Variants in PRKCG observed in about 807,000 individuals in gnomAD.
The protein encoded by PRKCG is protein kinase C gamma, also known as protein kinase C gamma type.
Under a neutral mutation model 82.0 loss-of-function variants are expected in PRKCG, and 28 were observed. That is an observed-to-expected ratio of 0.34 (90% CI 0.25 to 0.47). The LOEUF is 0.47. Among genes scored for constraint, PRKCG ranks in the 20% least tolerant of loss-of-function variants. PRKCG has a pLI of 1.00. For synonymous variants in PRKCG, 383 were observed against 376.6 expected, an observed-to-expected ratio of 1.02 and a Z score of -0.20; for missense variants, 640 against 952.7, an observed-to-expected ratio of 0.67 and a Z score of 4.32.
At position 53,894,103 on chromosome 19, in the gene PRKCG, A is replaced by T. The variant is rs556261478; in HGVS notation, c.939+712A>T. ...TTTTTTGAGACGGAGTCTCGCTGTGACGCCCAGGCTGGAGTGCAGTGGTGC... is the reference window on the plus strand; with the variant it reads ...TTTTTTGAGACGGAGTCTCGCTGTGTCGCCCAGGCTGGAGTGCAGTGGTGC... On this transcript the variant is annotated intron_variant, in intron 9 of 17. Transcript: ENST00000263431. Among the ~76,000 whole-genome samples, 1,053 of 122,620 alleles carry T rather than the reference A, an allele frequency of 8.6e-3. 7 individuals carry two copies. The highest frequency in any genetic ancestry group is 0.015 in the Admixed American group (179 of 12,040). 80.4% of individuals were successfully genotyped at this position (122,620 alleles called of 152,430 possible). A position where few individuals can be genotyped will look rare whatever the true frequency, so the allele number is the denominator to read the frequency against.
At chr19:53,906,177 C>T in intron 16 of PRKCG, 140 bp from the exon 17 acceptor site, 6 of 1,068,222 alleles carry the variant, frequency 5.6e-6, no homozygotes, top group Non-Finnish European at 8.2e-6. Context: ...CCTGTTTCCC[C>T]TGGCTGTTCT....
Position 53,897,986 on chromosome 19 carries a change from C to T in PRKCG, c.967C>T (p.Pro323Ser). 3 of 1,614,174 alleles carry T rather than the reference C, an allele frequency of 1.9e-6. No individual in the cohort carries two copies. The highest frequency in any genetic ancestry group is 2.5e-6 in the Non-Finnish European group (3 of 1,180,024). ...ERVRMGPSSS[P>S]IPSPSPSPTD... ...GGTGCGGATGGGCCCCTCTTCCTCT[C>T]CCATCCCCTCCCCTTCCCCTAGTCC... Residue 323 changes from proline to serine, a missense_variant, in exon 10 of 18, where the codon CCC becomes TCC. Pro to Ser is a moderately conservative substitution (Grantham distance 74). Around this residue, in one of 7 missense-constraint regions of PRKCG, gnomAD observed 261 missense variants for 312.1 expected, o/e 0.84. Coordinates refer to ENST00000263431, the MANE Select transcript of PRKCG (RefSeq NM_002739.5).
intron 16 of PRKCG, 23 bp downstream of exon 16, chr19:53,904,765 C>G: frequency 1.4e-5 from 22 of 1,580,758 alleles, no homozygotes; most frequent in Non-Finnish European, 1.9e-5. Context: ...TGACTCCCAG[C>G]TTCTCCAGGC....
At chr19:53,902,465 C>T (rs748639699) in intron 14 of PRKCG, among the ~76,000 whole-genome samples, 10 of 152,030 alleles carry the variant, frequency 6.6e-5, no homozygotes, top group Non-Finnish European at 1.3e-4. Context: ...ATTCCTGACT[C>T]TGACACAAAT....
In PRKCG at chr19:53,891,754, C is replaced by T. The variant is rs777151978; in HGVS notation, c.610C>T (p.Pro204Ser). ...TGTGAAACTGAAGCTCATCCCAGAC[C>T]CTCGGAACCTGACGAAACAGAAGAC... ...PYVKLKLIPD[P>S]RNLTKQKTRT... The change falls in exon 6 of 18, where the codon CCT becomes TCT. Residue 204 changes from proline to serine, a missense_variant. Transcript: ENST00000263431. The T allele has an allele frequency of 5.0e-6, 8 of 1,614,142 alleles. No individual in the cohort carries two copies. In the South Asian group the frequency reaches 8.8e-5, roughly 18 times the overall value.
chr19:53,904,331 T>C (rs1291752383), intron 15 of PRKCG, among the ~76,000 whole-genome samples: 3 of 151,114 alleles, frequency 2.0e-5, no homozygotes, highest in African/African-American at 7.3e-5. Flanking sequence ...GTTTTTCCTC[T>C]CTTCTATTTA....
chr19:53,901,529 G>GTGAGACC (rs2068763279), intron 14 of PRKCG, among the ~76,000 whole-genome samples: 1 of 124,730 alleles, frequency 8.0e-6, no homozygotes, highest in African/African-American at 3.3e-5. Context: ...GGGTGACAGA[G>GTGAGACC]CATAACTTCA....
chr19:53,906,628 G>A (rs1043066447), intron 17 of PRKCG, 79 bp from the exon 18 acceptor site: 1 of 1,564,532 alleles, frequency 6.4e-7, no homozygotes, highest in East Asian at 2.2e-5. Context: ...GGAGACAGGA[G>A]ATGAGACTGG....
chr19:53,898,713 C>A, intron 11 of PRKCG, 85 bp downstream of exon 11: 1 of 1,325,822 alleles, frequency 7.5e-7, no homozygotes. Flanking sequence ...GAGTTTAGGG[C>A]GAGGCAAGAG....
chr19:53,892,620 G>T lies in PRKCG; in HGVS notation c.798G>T (p.Leu266=), dbSNP rs1472947574. The part of the protein sequence containing the change: ...MGAMSFGVSE[L]LKAPVDGWYK... ...CCATGTCCTTTGGCGTCTCGGAGCT[G>T]CTCAAGGCGCCCGTGGATGGCTGGT... The change falls in exon 7 of 18, where the codon CTG becomes CTT. Residue 266 remains leucine (L), a synonymous_variant. Transcript: ENST00000263431. This position sits in a 1 kb window ranked among gnomAD's most constrained non-coding sequence, Gnocchi z 5.9. 1.2e-6 allele frequency: 2 copies of T among 1,612,452 alleles called. No individual in the cohort carries two copies. Among genetic ancestry groups the T allele is most frequent in the Non-Finnish European group, 1.7e-6 (2 of 1,179,868 alleles).
In PRKCG at chr19:53,906,199, A is replaced by T. The variant is rs1452210275; in HGVS notation, c.1765-118A>T. 3.0e-6 allele frequency: 4 copies of T among 1,339,332 alleles called. No individual in the cohort carries two copies. The African/African-American group carries it at 6.3e-5, about 21-fold the overall frequency. The allele number at this position is 1,339,332 out of a possible 1,614,324, so 83.0% of individuals were successfully genotyped here. ...CCCCTGGCTGTTCTTATCTCTCCGG[A>T]TCTCATGCCTGTGTCTCTTGGTTCC... is the stretch of plus-strand genomic sequence containing the variant. On this transcript the variant is annotated intron_variant, in intron 16 of 17. Coordinates refer to ENST00000263431, the MANE Select transcript of PRKCG (RefSeq NM_002739.5).
upstream of PRKCG, among the ~76,000 whole-genome samples, chr19:53,882,018 G>T (rs892344834): frequency 1.3e-5 from 2 of 152,146 alleles, no homozygotes; most frequent in African/African-American, 2.4e-5. This position sits in a 1 kb window ranked among gnomAD's most constrained non-coding sequence, Gnocchi z 6.1. Flanking sequence ...AGGGTGGTGG[G>T]GGGGAGCCAG....
At chr19:53,891,993 G>A (rs528096365) in intron 6 of PRKCG, among the ~76,000 whole-genome samples, 163 bp downstream of exon 6, 98 of 152,246 alleles carry the variant, frequency 6.4e-4, no homozygotes, top group African/African-American at 2.3e-3. Context: ...TGAGGGAGTG[G>A]GATGGAGATA....
Position 53,900,777 on chromosome 19 carries a change from C to G in PRKCG, c.1575+28C>G. On this transcript the variant is annotated intron_variant, in intron 14 of 17. Transcript: ENST00000263431. The surrounding 1 kb of genome is among the most constrained non-coding windows in gnomAD (Gnocchi z 4.2). Reference sequence around the variant, plus strand: ...AACCCCAACCCTGCTGCTCTGGTCACGCTTTGAGATCCCTTAGAGGGTGTA... The same window carrying G: ...AACCCCAACCCTGCTGCTCTGGTCAGGCTTTGAGATCCCTTAGAGGGTGTA... 1.9e-6 allele frequency: 3 copies of G among 1,613,976 alleles called. No homozygotes were observed. Among genetic ancestry groups the G allele is most frequent in the Non-Finnish European group, 2.5e-6 (3 of 1,180,026 alleles).
At chr19:53,905,136 A>G (rs541706752) in intron 16 of PRKCG, among the ~76,000 whole-genome samples, 24 of 152,268 alleles carry the variant, frequency 1.6e-4, no homozygotes, top group African/African-American at 5.5e-4. Flanking sequence ...TTGACACAGA[A>G]GAAAGCACCT....
At chr19:53,887,497 CAAAAAAAAAAAAAAAAAAAAAAAAA>C (rs71189894) in intron 3 of PRKCG, among the ~76,000 whole-genome samples, 2 of 14,676 alleles carry the variant, frequency 1.4e-4, no homozygotes, top group Admixed American at 1.5e-3. Flanking sequence ...AACTCTGTCT[CAAAAAAAAAAAAAAAAAAAAAAAAA>C]AAAAAAAAAA....
intron 14 of PRKCG, among the ~76,000 whole-genome samples, chr19:53,902,203 C>G (rs886968877): frequency 6.6e-6 from 1 of 152,130 alleles, no homozygotes; most frequent in African/African-American, 2.4e-5. Context: ...CACTTGAGGT[C>G]AGGAATTCAA....
chr19:53,892,519 C>G lies in PRKCG; in HGVS notation c.697C>G (p.Pro233Ala). ...CCCACCTTCCTGCAGCAACCTGAAG[C>G]CAGGGGATGTGGAGCGCCGGCTCAG... Reference protein sequence around the residue: ...WNETFVFNLKPGDVERRLSVE... With the variant: ...WNETFVFNLKAGDVERRLSVE... The change falls in exon 7 of 18, where the codon CCA (proline) becomes GCA (alanine). Residue 233 changes from proline (P) to alanine (A), a missense_variant. Pro to Ala is a conservative substitution (Grantham distance 27, BLOSUM62 -1). Coordinates refer to ENST00000263431, the MANE Select transcript of PRKCG (RefSeq NM_002739.5). This position sits in a 1 kb window ranked among gnomAD's most constrained non-coding sequence, Gnocchi z 5.9. 2.5e-6 allele frequency: 4 copies of G among 1,612,294 alleles called. No homozygotes were observed. Among genetic ancestry groups the G allele is most frequent in the Non-Finnish European group, 3.4e-6 (4 of 1,179,654 alleles).
intron 16 of PRKCG, among the ~76,000 whole-genome samples, chr19:53,906,064 C>CTTCT (rs1295428915): frequency 1.3e-5 from 1 of 74,816 alleles, no homozygotes; most frequent in African/African-American, 1.2e-4. Flanking sequence ...CCTCCTCCTC[C>CTTCT]TCCTCCTCCT....
Sources: gnomAD v4.1 joint callset for allele counts (sites outside exome capture counted in the v4.1 genomes callset) on GRCh38, gnomAD v4.1.1 for gene constraint, gnomAD v4.1.1 regional missense constraint, Gnocchi (gnomAD v3.1) non-coding constraint, MANE v1.5 for transcripts, NCBI Gene and HGNC (gene_info 2026-07-23, HGNC 2026-07-21) for gene names.